Variants in GABRR2 observed in about 807,000 individuals in gnomAD.
The protein encoded by GABRR2 is gamma-aminobutyric acid receptor subunit rho-2.
In GABRR2, 36 loss-of-function variants were observed where a neutral mutation model predicts 47.0. The observed-to-expected ratio is 0.77, with a 90% CI of 0.59 to 1.01. The LOEUF (loss-of-function observed/expected upper bound fraction) is 1.01, where lower values mean the gene tolerates loss of function less well. Among genes scored for constraint, GABRR2 ranks in the 50% least tolerant of loss-of-function variants. The pLI, the probability that GABRR2 is intolerant of heterozygous loss-of-function variation, is 0.00. For missense variants in GABRR2, 587 were observed against 594.6 expected (o/e 0.99, Z 0.13); for synonymous variants, 204 against 227.5 (o/e 0.90, Z 0.93).
At position 89,315,060 on chromosome 6, in the gene GABRR2, T is replaced by G; in HGVS notation, c.106A>C (p.Lys36Gln). The G allele has an allele frequency of 6.2e-7, 1 of 1,613,320 alleles. No homozygotes were observed. Among genetic ancestry groups the G allele is most frequent in the Non-Finnish European group, 8.5e-7 (1 of 1,179,452 alleles). Residue 36 changes from lysine to glutamine, a missense_variant, in exon 1 of 9, where the codon AAG (lysine) becomes CAG (glutamine). Physicochemically the swap from Lys to Gln is moderately conservative, Grantham distance 53. Transcript: ENST00000402938. The part of the protein sequence containing the change: ...KRWTGQVEMP[K>Q]PSHLYKKNLD... The stretch of plus-strand genomic sequence containing the variant: ...TCCCACCTATGACTTTACCTTGGCT[T>G]GGGCATTTCCACCTGCCCTGTCCAT...
intron 6 of GABRR2, 130 bp downstream of exon 6, chr6:89,267,549 A>C: frequency 1.1e-6 from 1 of 883,994 alleles, no homozygotes; most frequent in Non-Finnish European, 1.7e-6. Context: ...CTTGGGAGAC[A>C]GAGTGAGACC....
chr6:89,264,375 G>A (rs1051132253), intron 8 of GABRR2, 37 bp downstream of exon 8: 2 of 1,588,274 alleles, frequency 1.3e-6, no homozygotes, highest in East Asian at 4.5e-5. Context: ...TCACCCAGCA[G>A]CATGGACTTA....
chr6:89,288,770 T>TG (rs987626737), intron 2 of GABRR2, among the ~76,000 whole-genome samples: 8 of 152,130 alleles, frequency 5.3e-5, no homozygotes, highest in Non-Finnish European at 1.2e-4. Flanking sequence ...ACCTCCCAAG[T>TG]GGCTAGGACT....
intron 2 of GABRR2, among the ~76,000 whole-genome samples, chr6:89,291,549 C>T (rs555164934): frequency 1.3e-5 from 2 of 151,940 alleles, no homozygotes; most frequent in East Asian, 1.9e-4. Context: ...CTTCCTGCTC[C>T]GGGGTATACC....
chr6:89,309,451 C>A (rs922979461), intron 1 of GABRR2, among the ~76,000 whole-genome samples: 2 of 152,074 alleles, frequency 1.3e-5, no homozygotes, highest in Non-Finnish European at 2.9e-5. Flanking sequence ...CCTGGAATTA[C>A]AACTAAGCAG....
intron 8 of GABRR2, among the ~76,000 whole-genome samples, chr6:89,263,469 T>C (rs116958444): frequency 0.02 from 2,987 of 152,316 alleles, 51 homozygotes; most frequent in South Asian, 0.037. Flanking sequence ...TGTTCAAGGA[T>C]CGACTGTAGT....
At chr6:89,259,499 T>A (rs573752476) in intron 8 of GABRR2, among the ~76,000 whole-genome samples, 1 of 139,334 alleles carries the variant, frequency 7.2e-6, no homozygotes, top group Non-Finnish European at 1.6e-5. Flanking sequence ...CTTCTTTTTT[T>A]TTGTTTTGTT....
In GABRR2 at chr6:89,315,208, T is replaced by G; in HGVS notation, c.-43A>C. The G allele has an allele frequency of 6.2e-7, 1 of 1,612,558 alleles. No homozygotes were observed. Among genetic ancestry groups the G allele is most frequent in the Non-Finnish European group, 8.5e-7 (1 of 1,179,062 alleles). ...GGCAAAAAGCTGCTTTCCAGTAGCC[T>G]GTGGCAGAGCAAATCCCCCCTGGCT... On this transcript the variant is annotated 5_prime_UTR_variant, in exon 1 of 9. Transcript: ENST00000402938.
chr6:89,292,068 G>A (rs1212857743), intron 2 of GABRR2, among the ~76,000 whole-genome samples: 1 of 152,084 alleles, frequency 6.6e-6, no homozygotes, highest in Non-Finnish European at 1.5e-5. Flanking sequence ...TAGGGCCAAG[G>A]ACTGCCCAAC....
At chr6:89,268,664 G>GC (rs907778889) in intron 4 of GABRR2, among the ~76,000 whole-genome samples, 42 of 150,736 alleles carry the variant, frequency 2.8e-4, no homozygotes, top group Non-Finnish European at 5.8e-4. Flanking sequence ...GACGGGGGGG[G>GC]GCTTTTTTTT....
At chr6:89,305,266 A>G (rs1326565713) in intron 1 of GABRR2, among the ~76,000 whole-genome samples, 1 of 152,260 alleles carries the variant, frequency 6.6e-6, no homozygotes. Context: ...GAGGCATGAG[A>G]ATCACTTGAA....
chr6:89,310,507 A>G (rs1188304409), intron 1 of GABRR2, among the ~76,000 whole-genome samples: 2 of 151,600 alleles, frequency 1.3e-5, no homozygotes, highest in Admixed American at 6.6e-5. Flanking sequence ...TTCTCTCTCT[A>G]CCCTCTCTTT....
At chr6:89,313,992 G>A (rs1005070704) in intron 1 of GABRR2, among the ~76,000 whole-genome samples, 1 of 149,450 alleles carries the variant, frequency 6.7e-6, no homozygotes, top group Non-Finnish European at 1.5e-5. Context: ...ACTGGAAGTA[G>A]AGGCTGTAAC....
At position 89,271,803 on chromosome 6, in the gene GABRR2, G is replaced by C. The variant is rs367792893; in HGVS notation, c.221-81C>G. On this transcript the variant is annotated intron_variant, in intron 2 of 8. Transcript: ENST00000402938. ...GGAACAGCCCCAGTTGGCTTCCCCC[G>C]GGGAGCCAGGACTGGAGCAGAGTAG... 8 of 1,184,058 alleles carry C rather than the reference G, an allele frequency of 6.8e-6. No homozygotes were observed. In the African/African-American group the frequency reaches 7.6e-5, roughly 11 times the overall value. 73.3% of individuals were successfully genotyped at this position (1,184,058 alleles called of 1,614,324 possible).
At chr6:89,268,660 G>C (rs199656582) in intron 4 of GABRR2, among the ~76,000 whole-genome samples, 38,842 of 151,474 alleles carry the variant, frequency 0.26, 5,465 homozygotes, top group East Asian at 0.46. Flanking sequence ...GGGGGACGGG[G>C]GGGGGCTTTT....
intron 8 of GABRR2, among the ~76,000 whole-genome samples, chr6:89,263,871 T>C (rs1773813180): frequency 2.6e-5 from 4 of 152,228 alleles, no homozygotes. Flanking sequence ...ATAAAAGGTT[T>C]TTTTTTAAAG....
At chr6:89,302,588 C>T in intron 1 of GABRR2, 1 of 1,077,850 alleles carries the variant, frequency 9.3e-7, no homozygotes, top group Admixed American at 1.9e-5. Flanking sequence ...AGGCATGAAG[C>T]CCGGGCAGCC....
intron 2 of GABRR2, among the ~76,000 whole-genome samples, chr6:89,275,873 G>A (rs993894319): frequency 1.3e-5 from 2 of 152,038 alleles, no homozygotes; most frequent in African/African-American, 2.4e-5. Context: ...TGTAGGGTTC[G>A]CAGCTTAAAT....
At chr6:89,273,327 G>C (rs1774093677) in intron 2 of GABRR2, among the ~76,000 whole-genome samples, 1 of 152,104 alleles carries the variant, frequency 6.6e-6, no homozygotes, top group Non-Finnish European at 1.5e-5. Flanking sequence ...CTGCCTCCCA[G>C]GTTTAAGCAA....
Sources: gnomAD v4.1 joint callset for allele counts (sites outside exome capture counted in the v4.1 genomes callset) on GRCh38, gnomAD v4.1.1 for gene constraint, MANE v1.5 for transcripts, NCBI Gene and HGNC (gene_info 2026-07-23, HGNC 2026-07-21) for gene names.